The following SNX27 variants were observed in gnomAD, a reference collection of about 807,000 sequenced individuals.
The protein encoded by SNX27 is sorting nexin 27.
SNX27 carries 22 observed loss-of-function variants against 71.6 expected under a neutral mutation model. That is an observed-to-expected ratio of 0.31 (90% CI 0.22 to 0.44). The LOEUF is 0.44. Ranked by LOEUF, SNX27 falls within the 20% of genes least tolerant of loss-of-function variation. The pLI is 1.00. For missense variants in SNX27, 531 were observed against 698.6 expected (o/e 0.76, Z 2.70); for synonymous variants, 269 against 277.2 (o/e 0.97, Z 0.29).
chr1:151,651,567 T>C (rs1485895336), intron 2 of SNX27, among the ~76,000 whole-genome samples: 5 of 136,888 alleles, frequency 3.7e-5, no homozygotes, highest in Non-Finnish European at 6.2e-5. Flanking sequence ...CCAGACGGGG[T>C]CGCGGCCAGG....
intron 1 of SNX27, among the ~76,000 whole-genome samples, chr1:151,630,337 T>G (rs1208221139): frequency 1.3e-5 from 2 of 152,102 alleles, no homozygotes; most frequent in Non-Finnish European, 2.9e-5. Flanking sequence ...TTCTAAAGGA[T>G]TTTACCTATT....
Position 151,624,512 on chromosome 1 carries a change from A to G in SNX27, c.311+12000A>G, listed in dbSNP as rs374935263. ...AGTGGCGTGATCTTGGCTCATTGCA[A>G]CCTCCATCTTCTGGGTTCAAGCAAT... On this transcript the variant is annotated intron_variant, in intron 1 of 11. Transcript: ENST00000458013. Among the ~76,000 whole-genome samples, 29 of 147,008 alleles carry G rather than the reference A, an allele frequency of 2.0e-4. 1 individual carries two copies. The East Asian group carries it at 5.6e-3, about 28-fold the overall frequency.
intron 9 of SNX27, 152 bp from the exon 10 acceptor site, chr1:151,692,759 C>T: frequency 7.4e-7 from 1 of 1,344,058 alleles, no homozygotes; most frequent in Non-Finnish European, 1.0e-6. Context: ...GCTGCTTCCA[C>T]TGATTTGTAT....
At chr1:151,666,249 G>A (rs1419973584) in intron 6 of SNX27, 2 of 333,682 alleles carry the variant, frequency 6.0e-6, no homozygotes, top group Non-Finnish European at 1.1e-5. Flanking sequence ...GCTTTCATGA[G>A]GTTCTTTTAA....
At chr1:151,687,703 CT>C (rs996503921) in intron 8 of SNX27, among the ~76,000 whole-genome samples, 1 of 152,164 alleles carries the variant, frequency 6.6e-6, no homozygotes, top group African/African-American at 2.4e-5. Flanking sequence ...AATCCCAGCA[CT>C]TTGGGAGGCC....
intron 1 of SNX27, among the ~76,000 whole-genome samples, chr1:151,626,265 CTT>C (rs201039962): frequency 6.8e-6 from 1 of 146,644 alleles, no homozygotes; most frequent in Non-Finnish European, 1.5e-5. Context: ...ATGTGATTAA[CTT>C]TTTTTTTTTT....
chr1:151,658,184 T>C lies in SNX27; in HGVS notation c.544-51T>C, dbSNP rs777477787. ...ATCTAAGCCTGACTAGATGATTTTGTGATTTAATTTGTATTAAGTATGCTT... is the reference window on the plus strand; with the variant it reads ...ATCTAAGCCTGACTAGATGATTTTGCGATTTAATTTGTATTAAGTATGCTT... On this transcript the variant is annotated intron_variant, in intron 2 of 11. Coordinates refer to ENST00000458013, the MANE Select transcript of SNX27 (RefSeq NM_001330723.2). 3.3e-6 allele frequency: 5 copies of C among 1,514,712 alleles called. No homozygotes were observed. The Middle Eastern group carries it at 5.3e-4, about 160-fold the overall frequency. 93.8% of individuals were successfully genotyped at this position (1,514,712 alleles called of 1,614,324 possible).
At chr1:151,668,702 C>A in intron 7 of SNX27, 67 bp downstream of exon 7, 1 of 1,461,182 alleles carries the variant, frequency 6.8e-7, no homozygotes, top group Non-Finnish European at 9.3e-7. Context: ...GGTACTTTGC[C>A]AATTCCCTGT....
At chr1:151,650,380 G>T (rs1045978538) in intron 2 of SNX27, among the ~76,000 whole-genome samples, 3 of 151,930 alleles carry the variant, frequency 2.0e-5, no homozygotes, top group Non-Finnish European at 2.9e-5. Context: ...TACATGTCTA[G>T]GTGTTTGTTT....
intron 8 of SNX27, 29 bp from the exon 9 acceptor site, chr1:151,692,406 C>CTTTTTTTTTTTTTTTTT: frequency 1.2e-6 from 1 of 853,878 alleles, no homozygotes; most frequent in South Asian, 1.9e-5. Context: ...TTTCTCCTTC[C>CTTTTTTTTTTTTTTTTT]TTTTTTTTTT....
chr1:151,661,019 T>A, intron 4 of SNX27, 157 bp downstream of exon 4: 1 of 577,630 alleles, frequency 1.7e-6, no homozygotes, highest in East Asian at 2.9e-5. Context: ...ATCTATCCTT[T>A]AAGACCTAGG....
At chr1:151,668,695 A>G (rs1208610572) in intron 7 of SNX27, 60 bp downstream of exon 7, 5 of 1,512,982 alleles carry the variant, frequency 3.3e-6, no homozygotes, top group African/African-American at 2.8e-5. Flanking sequence ...TATAGTTGGT[A>G]CTTTGCCAAT....
At chr1:151,670,367 A>C (rs1670408842) in intron 7 of SNX27, among the ~76,000 whole-genome samples, 1 of 152,188 alleles carries the variant, frequency 6.6e-6, no homozygotes. Flanking sequence ...GGGAATGTGG[A>C]TATCTCTTCA....
chr1:151,657,628 T>C (rs1036742065), intron 2 of SNX27, among the ~76,000 whole-genome samples: 4 of 152,210 alleles, frequency 2.6e-5, no homozygotes, highest in African/African-American at 4.8e-5. Context: ...CCACATTGGC[T>C]TCAAATGACT....
chr1:151,630,214 C>T (rs539204790), intron 1 of SNX27, among the ~76,000 whole-genome samples: 6 of 152,016 alleles, frequency 3.9e-5, no homozygotes, highest in African/African-American at 1.2e-4. Flanking sequence ...TTTGCCCTTA[C>T]GAAGCTCATA....
rs192185815 is a variant in SNX27 at position 151,643,951 on chromosome 1, C to T, written c.543+4832C>T. ...CTGAGATTACAGGCTTGAGCCACTGCGCCTGGCCAATTTAGTTTTTAGTGT... is the reference window on the plus strand; with the variant it reads ...CTGAGATTACAGGCTTGAGCCACTGTGCCTGGCCAATTTAGTTTTTAGTGT... On this transcript the variant is annotated intron_variant, in intron 2 of 11. Transcript: ENST00000458013. Among the ~76,000 whole-genome samples, 12 of 152,292 alleles carry T rather than the reference C, an allele frequency of 7.9e-5. No homozygotes were observed. In the East Asian group the frequency reaches 1.7e-3, roughly 22 times the overall value.
chr1:151,626,002 A>G (rs1214977441), intron 1 of SNX27, among the ~76,000 whole-genome samples: 1 of 152,036 alleles, frequency 6.6e-6, no homozygotes. Flanking sequence ...AATGGCCCAC[A>G]CATGTAATCC....
At chr1:151,654,582 CTTAGCCTGTT>C in intron 2 of SNX27, among the ~76,000 whole-genome samples, 1 of 152,218 alleles carries the variant, frequency 6.6e-6, no homozygotes, top group African/African-American at 2.4e-5. Context: ...TACTGCCTGT[CTTAGCCTGTT>C]TTCACTGCTT....
At chr1:151,624,125 G>A (rs1667807255) in intron 1 of SNX27, among the ~76,000 whole-genome samples, 1 of 151,844 alleles carries the variant, frequency 6.6e-6, no homozygotes, top group Non-Finnish European at 1.5e-5. Context: ...ACCATACACA[G>A]CTCATTTTTA....
Sources: gnomAD v4.1 joint callset for allele counts (sites outside exome capture counted in the v4.1 genomes callset) on GRCh38, gnomAD v4.1.1 for gene constraint, MANE v1.5 for transcripts, NCBI Gene and HGNC (gene_info 2026-07-23, HGNC 2026-07-21) for gene names.